The following CDH18 variants were observed in gnomAD, a reference collection of about 807,000 sequenced individuals.
The protein encoded by CDH18 is cadherin 18, also known as cadherin-18.
CDH18 carries 31 observed loss-of-function variants against 67.9 expected under a neutral mutation model. The ratio of observed to expected loss-of-function variants is 0.46; its 90% confidence interval spans 0.34 to 0.62. The LOEUF is 0.62. Among genes scored for constraint, CDH18 ranks in the 20% least tolerant of loss-of-function variants. CDH18 has a pLI of 0.01. For synonymous variants in CDH18, 362 were observed against 347.2 expected, an observed-to-expected ratio of 1.04 and a Z score of -0.48; for missense variants, 890 against 975.5, an observed-to-expected ratio of 0.91 and a Z score of 1.17.
At chr5:20,564,890 C>G (rs1257409079) in intron 1 of CDH18, among the ~76,000 whole-genome samples, 2 of 152,100 alleles carry the variant, frequency 1.3e-5, no homozygotes, top group African/African-American at 2.4e-5. Context: ...AACAAAATAA[C>G]TGAGTTCATT....
chr5:19,483,350 C>T lies in CDH18; in HGVS notation c.1833G>A (p.Leu611=), dbSNP rs1381407091. 3.1e-6 allele frequency: 5 copies of T among 1,614,086 alleles called. No homozygotes were observed. The South Asian group carries it at 5.5e-5, about 18-fold the overall frequency. ...HAEAFLSSAG[L]STGALIAILL... is the part of the protein sequence containing the mutation. ...GAATAGCGATTAAGGCTCCTGTACT[C>T]AAACCAGCCGAGGACAGGAAGGCTT... The change falls in exon 12 of 13, where the codon TTG becomes TTA. Residue 611 remains leucine, a synonymous_variant. Transcript: ENST00000382275.
Position 20,077,091 on chromosome 5 carries a change from C to G in CDH18, c.-517-85077G>C, listed in dbSNP as rs553749869. 1.1e-3 allele frequency among the ~76,000 whole-genome samples: 160 copies of G among 152,242 alleles called. 1 individual carries two copies. In the Middle Eastern group the frequency reaches 0.014, roughly 13 times the overall value. On this transcript the variant is annotated intron_variant, in intron 2 of 14. Transcript: ENST00000507958. ...TTGAAACTGATGTTGACATTCATCT[C>G]TCTTGTAACCCCTACTCCAAGAAAA...
chr5:19,878,667 C>T (rs1234378830), intron 2 of CDH18, among the ~76,000 whole-genome samples: 1 of 151,930 alleles, frequency 6.6e-6, no homozygotes, highest in Non-Finnish European at 1.5e-5. Flanking sequence ...AGAGGTTTAT[C>T]TTATCCATGA....
intron 1 of CDH18, among the ~76,000 whole-genome samples, chr5:20,352,672 G>A (rs1741297729): frequency 6.6e-6 from 1 of 150,690 alleles, no homozygotes; most frequent in African/African-American, 2.4e-5. Context: ...GCTGGCGCCT[G>A]TATCCCAGCT....
chr5:19,613,302 T>C (rs1002042768), intron 5 of CDH18, among the ~76,000 whole-genome samples: 6 of 152,160 alleles, frequency 3.9e-5, no homozygotes, highest in African/African-American at 7.2e-5. Context: ...TTCATCTTTA[T>C]AGAACAATTT....
chr5:19,880,573 CT>C (rs1787528767), intron 2 of CDH18, among the ~76,000 whole-genome samples: 2 of 152,076 alleles, frequency 1.3e-5, no homozygotes, highest in African/African-American at 4.8e-5. Flanking sequence ...AGACCAACTA[CT>C]TTGAAAATGA....
intron 3 of CDH18, among the ~76,000 whole-genome samples, chr5:19,786,113 G>T (rs1451432505): frequency 6.6e-6 from 1 of 152,020 alleles, no homozygotes; most frequent in Non-Finnish European, 1.5e-5. Context: ...TTCCTACAAT[G>T]AATGCATATA....
intron 1 of CDH18, among the ~76,000 whole-genome samples, chr5:20,472,912 C>G (rs897839932): frequency 6.6e-6 from 1 of 152,084 alleles, no homozygotes; most frequent in African/African-American, 2.4e-5. Flanking sequence ...TTTATTTTAA[C>G]TGAGGTACAT....
intron 1 of CDH18, among the ~76,000 whole-genome samples, chr5:20,299,063 T>A (rs187179622): frequency 1.3e-5 from 2 of 152,044 alleles, no homozygotes; most frequent in African/African-American, 4.8e-5. Flanking sequence ...TAGAACAGAT[T>A]TTAAGTTTTT....
chr5:20,231,482 C>T (rs1742070434), intron 2 of CDH18, among the ~76,000 whole-genome samples: 1 of 151,876 alleles, frequency 6.6e-6, no homozygotes, highest in Non-Finnish European at 1.5e-5. Context: ...TCCTGTAACC[C>T]CAGCTACTCA....
intron 1 of CDH18, among the ~76,000 whole-genome samples, chr5:20,283,828 A>G (rs1746474369): frequency 1.3e-5 from 2 of 152,236 alleles, no homozygotes; most frequent in African/African-American, 2.4e-5. Flanking sequence ...AGAATTCACA[A>G]TTTCCAAGAT....
chr5:20,050,915 G>T lies in CDH18; in HGVS notation c.-517-58901C>A, dbSNP rs74341768. ...AGTATCATGGGGAAAGCTATTATTT[G>T]TCTTTTGCTCTCTAGAGATCACTCT... is the stretch of plus-strand genomic sequence containing the variant. On this transcript the variant is annotated intron_variant, in intron 2 of 14. Transcript: ENST00000507958. 1.7e-3 allele frequency among the ~76,000 whole-genome samples: 264 copies of T among 151,658 alleles called. 1 individual carries two copies. The highest frequency in any genetic ancestry group is 2.4e-3 in the Admixed American group (37 of 15,192).
At chr5:20,508,903 G>A (rs577335880) in intron 1 of CDH18, among the ~76,000 whole-genome samples, 127 of 151,958 alleles carry the variant, frequency 8.4e-4, no homozygotes, top group Non-Finnish European at 1.5e-3. Flanking sequence ...ACCTAAAAAA[G>A]TCACACCCTC....
intron 9 of CDH18, among the ~76,000 whole-genome samples, chr5:19,527,460 T>TA (rs562541922): frequency 6.6e-4 from 100 of 151,426 alleles, no homozygotes; most frequent in Admixed American, 2.6e-3. Context: ...TAAATATCAG[T>TA]AAAAAAAATC....
At chr5:20,024,595 C>T (rs1038405816) in intron 2 of CDH18, among the ~76,000 whole-genome samples, 2 of 151,838 alleles carry the variant, frequency 1.3e-5, no homozygotes, top group African/African-American at 4.8e-5. Context: ...AGAATACATA[C>T]GAGAATAAAA....
chr5:19,833,040 G>GT (rs796313687), intron 3 of CDH18, among the ~76,000 whole-genome samples: 3 of 152,046 alleles, frequency 2.0e-5, no homozygotes, highest in Non-Finnish European at 2.9e-5. Flanking sequence ...ATTTAAAATA[G>GT]TTTTTTTCTA....
At chr5:19,801,113 G>C (rs1437151865) in intron 3 of CDH18, among the ~76,000 whole-genome samples, 1 of 152,022 alleles carries the variant, frequency 6.6e-6, no homozygotes, top group East Asian at 1.9e-4. Context: ...CTCCGTCTCA[G>C]AACAACAACA....
At chr5:20,536,236 G>A (rs574095425) in intron 1 of CDH18, among the ~76,000 whole-genome samples, 2 of 152,094 alleles carry the variant, frequency 1.3e-5, no homozygotes, top group South Asian at 4.1e-4. Flanking sequence ...TTTTGTTAAC[G>A]TGAATTTTTT....
At chr5:20,215,444 A>G (rs1740689693) in intron 2 of CDH18, among the ~76,000 whole-genome samples, 1 of 93,580 alleles carries the variant, frequency 1.1e-5, no homozygotes, top group Non-Finnish European at 2.1e-5. Flanking sequence ...AAATAAATAA[A>G]TAAATAAATA....
Sources: allele counts gnomAD v4.1 joint callset (sites outside exome capture counted in the v4.1 genomes callset), GRCh38; gene constraint gnomAD v4.1.1; transcripts MANE v1.5; gene names NCBI Gene and HGNC (gene_info 2026-07-23, HGNC 2026-07-21).